The following ADCY2 variants were observed in gnomAD, a reference collection of about 807,000 sequenced individuals.
ADCY2 encodes the protein adenylate cyclase type 2.
Under a neutral mutation model 125.2 loss-of-function variants are expected in ADCY2, and 31 were observed. The ratio of observed to expected loss-of-function variants is 0.25; its 90% CI spans 0.19 to 0.33. The LOEUF (loss-of-function observed/expected upper bound fraction) is 0.33. ADCY2 is among the 10% of genes least tolerant of loss of function. The probability of loss-of-function intolerance (pLI) is 1.00; values close to 1 mark genes in which losing one functional copy is unlikely to be tolerated. For synonymous variants in ADCY2, 512 were observed against 548.4 expected, an observed-to-expected ratio of 0.93 and a Z score of 0.93; for missense variants, 904 against 1,418.2, an observed-to-expected ratio of 0.64 and a Z score of 5.82.
At chr5:7,447,067 G>A (rs1045486434) in intron 2 of ADCY2, among the ~76,000 whole-genome samples, 1 of 152,054 alleles carries the variant, frequency 6.6e-6, no homozygotes, top group Admixed American at 6.5e-5. Flanking sequence ...TTCGGAGTGC[G>A]TCACAGTTAC....
At chr5:7,447,713 G>A (rs1252681491) in intron 2 of ADCY2, among the ~76,000 whole-genome samples, 1 of 152,216 alleles carries the variant, frequency 6.6e-6, no homozygotes, top group Non-Finnish European at 1.5e-5. Context: ...CAGCACAGTG[G>A]GGAGCTGGAT....
At chr5:7,408,540 G>T (rs1294828626) in intron 1 of ADCY2, among the ~76,000 whole-genome samples, 1 of 151,522 alleles carries the variant, frequency 6.6e-6, no homozygotes, top group Admixed American at 6.6e-5. Flanking sequence ...GCTAATTTTT[G>T]CATTTTTAGT....
intron 2 of ADCY2, among the ~76,000 whole-genome samples, chr5:7,438,304 G>C (rs1740884196): frequency 6.6e-6 from 1 of 152,208 alleles, no homozygotes; most frequent in African/African-American, 2.4e-5. Context: ...CCTGGAATTA[G>C]AGCAGGAAAC....
intron 3 of ADCY2, among the ~76,000 whole-genome samples, chr5:7,583,098 T>C (rs1220755397): frequency 6.7e-6 from 1 of 149,442 alleles, no homozygotes; most frequent in Non-Finnish European, 1.5e-5. Flanking sequence ...TCCTTTACAG[T>C]TTTTTTCAAA....
chr5:7,714,929 G>A (rs1050805134), intron 11 of ADCY2, among the ~76,000 whole-genome samples: 1 of 152,254 alleles, frequency 6.6e-6, no homozygotes, highest in Non-Finnish European at 1.5e-5. Context: ...CCTGGGGAAG[G>A]AGCCAGGGAG....
chr5:7,799,071 C>A (rs1744514443), intron 20 of ADCY2: 1 of 152,184 alleles, frequency 6.6e-6, no homozygotes, highest in East Asian at 1.9e-4. Flanking sequence ...TGAGCTTGTT[C>A]AACAGAATGG....
chr5:7,418,800 CACGT>C (rs1561014825), intron 2 of ADCY2, among the ~76,000 whole-genome samples: 2 of 151,778 alleles, frequency 1.3e-5, no homozygotes, highest in African/African-American at 2.4e-5. Context: ...GGATTATAGG[CACGT>C]GCCACCACAC....
chr5:7,407,183 T>G (rs1055172277), intron 1 of ADCY2, among the ~76,000 whole-genome samples: 1 of 152,176 alleles, frequency 6.6e-6, no homozygotes, highest in African/African-American at 2.4e-5. Context: ...AGACAGCAAT[T>G]TTTCCTTTCT....
intron 15 of ADCY2, among the ~76,000 whole-genome samples, chr5:7,756,968 G>A (rs959163021): frequency 2.0e-5 from 3 of 152,224 alleles, no homozygotes; most frequent in African/African-American, 7.2e-5. Flanking sequence ...GTATTTGTAA[G>A]TTCAGGCGCC....
intron 10 of ADCY2, among the ~76,000 whole-genome samples, chr5:7,710,836 T>C (rs1166644513): frequency 6.6e-6 from 1 of 152,088 alleles, no homozygotes; most frequent in Non-Finnish European, 1.5e-5. Flanking sequence ...AGTTTAGCAG[T>C]GGAAGCAACG....
Position 7,755,346 on chromosome 5 carries a change from G to T in ADCY2, c.1957-2103G>T, listed in dbSNP as rs140902960. 7.2e-3 allele frequency among the ~76,000 whole-genome samples: 1,090 copies of T among 152,208 alleles called. 5 individuals carry two copies. Among genetic ancestry groups the T allele is most frequent in the Non-Finnish European group, 0.01 (703 of 67,990 alleles). ...GAACCTGGTCCTGCGTCTCCCTCAG[G>T]GGGGCATGTGCGCTGTACACAAACA... On this transcript the variant is annotated intron_variant, in intron 15 of 24. Coordinates refer to ENST00000338316, the MANE Select transcript of ADCY2 (RefSeq NM_020546.3).
chr5:7,489,785 T>C (rs1743090475), intron 2 of ADCY2, among the ~76,000 whole-genome samples: 1 of 152,180 alleles, frequency 6.6e-6, no homozygotes, highest in South Asian at 2.1e-4. Flanking sequence ...TGCAGTGCCC[T>C]CTGCACTTGC....
At chr5:7,606,663 CA>C (rs1279664501) in intron 3 of ADCY2, among the ~76,000 whole-genome samples, 1 of 152,074 alleles carries the variant, frequency 6.6e-6, no homozygotes, top group East Asian at 1.9e-4. Context: ...TCATACTCAG[CA>C]AACAAAGGAA....
At chr5:7,703,171 C>T (rs1337610632) in intron 7 of ADCY2, among the ~76,000 whole-genome samples, 3 of 152,174 alleles carry the variant, frequency 2.0e-5, no homozygotes, top group Admixed American at 2.0e-4. Flanking sequence ...TTCTCCCATT[C>T]TGTAGGTTGC....
intron 22 of ADCY2, among the ~76,000 whole-genome samples, chr5:7,811,969 G>A (rs1329824375): frequency 6.6e-6 from 1 of 152,224 alleles, no homozygotes; most frequent in Non-Finnish European, 1.5e-5. Context: ...ACATGCTGGT[G>A]ACTGCTCACA....
At chr5:7,517,751 A>G (rs1462931254) in intron 2 of ADCY2, among the ~76,000 whole-genome samples, 2 of 152,224 alleles carry the variant, frequency 1.3e-5, no homozygotes, top group African/African-American at 4.8e-5. Flanking sequence ...TAAGCCTTCC[A>G]CAGACTTCCA....
At chr5:7,589,576 A>G (rs1250542119) in intron 3 of ADCY2, among the ~76,000 whole-genome samples, 3 of 152,140 alleles carry the variant, frequency 2.0e-5, no homozygotes, top group Non-Finnish European at 4.4e-5. Flanking sequence ...GAGAGAAAAG[A>G]AAGAAAATAC....
intron 3 of ADCY2, among the ~76,000 whole-genome samples, chr5:7,551,549 A>G (rs1333105857): frequency 6.6e-6 from 1 of 152,206 alleles, no homozygotes. Context: ...CTTTAAGAAT[A>G]CATTAATAAT....
chr5:7,735,154 C>G (rs561075172), intron 14 of ADCY2, among the ~76,000 whole-genome samples: 16 of 152,210 alleles, frequency 1.1e-4, no homozygotes, highest in African/African-American at 3.9e-4. Context: ...TGCCAGTATG[C>G]CACAGACTAG....
Sources: gnomAD v4.1 joint callset for allele counts (sites outside exome capture counted in the v4.1 genomes callset) on GRCh38, gnomAD v4.1.1 for gene constraint, MANE v1.5 for transcripts, NCBI Gene and HGNC (gene_info 2026-07-23, HGNC 2026-07-21) for gene names.